The following EPN2 variants were observed in gnomAD, a reference collection of about 807,000 sequenced individuals.
The protein encoded by EPN2 is epsin-2.
Under a neutral mutation model 61.7 loss-of-function variants are expected in EPN2, and 34 were observed. The observed-to-expected ratio is 0.55, with a 90% confidence interval of 0.42 to 0.73. The LOEUF (loss-of-function observed/expected upper bound fraction) is 0.73. Ranked by LOEUF, EPN2 falls within the 30% of genes least tolerant of loss-of-function variation. The pLI is 0.00. For missense variants in EPN2, 714 were observed against 839.2 expected (o/e 0.85, Z 1.84); for synonymous variants, 349 against 353.6 (o/e 0.99, Z 0.15).
chr17:19,251,106 C>T (rs1242937344), intron 1 of EPN2, among the ~76,000 whole-genome samples: 1 of 152,164 alleles, frequency 6.6e-6, no homozygotes, highest in Non-Finnish European at 1.5e-5. Context: ...TTGTGAAAAG[C>T]AAGTCTTTAT....
rs59850885 is a variant in EPN2, at chr17:19,283,937, C to T, written c.595+223C>T. Reference sequence around the variant, plus strand: ...GCTGCTCTGGTTCAGGGATCTCTAACGCCCTTTGCTGCTCTGGGCCTCATT... The same window carrying T: ...GCTGCTCTGGTTCAGGGATCTCTAATGCCCTTTGCTGCTCTGGGCCTCATT... On this transcript the variant is annotated intron_variant, in intron 3 of 10. Coordinates refer to ENST00000314728, the MANE Select transcript of EPN2 (RefSeq NM_014964.5). The surrounding 1 kb of genome is among the most constrained non-coding windows in gnomAD (Gnocchi z 7.0). Among the ~76,000 whole-genome samples, 994 of 152,288 alleles carry T rather than the reference C, an allele frequency of 6.5e-3. 53 individuals carry two copies. In the East Asian group the frequency reaches 0.12, roughly 18 times the overall value.
chr17:19,328,697 C>G lies in EPN2; in HGVS notation c.1148-14C>G. The G allele has an allele frequency of 6.3e-7, 1 of 1,594,174 alleles. No homozygotes were observed. The highest frequency in any genetic ancestry group is 1.1e-5 in the South Asian group (1 of 88,294). On this transcript the variant is annotated splice_polypyrimidine_tract_variant and intron_variant, in intron 7 of 10. Coordinates refer to ENST00000314728, the MANE Select transcript of EPN2 (RefSeq NM_014964.5). The stretch of plus-strand genomic sequence containing the variant: ...CTGAAGGCATTTCTGAGCCCTGACC[C>G]TGCCTTCCAACAGGTACCAAGCCAG...
rs983424505 is a variant in EPN2 at position 19,336,562 on chromosome 17, C to A, written c.*2308C>A. 1 of 152,776 alleles carries A rather than the reference C, an allele frequency of 6.5e-6. No individual in the cohort carries two copies. Among genetic ancestry groups the A allele is most frequent in the East Asian group, 1.9e-4 (1 of 5,188 alleles). The allele number at this position is 152,776 out of a possible 1,614,324, so 9.5% of individuals were successfully genotyped here. A position where few individuals can be genotyped will look rare whatever the true frequency, so the allele number is the denominator to read the frequency against. Reference sequence around the variant, plus strand: ...CCACCGGCCACTGCCACGCATGTTGCACCTGTGCCATCGTGCTCCCTCCTG... The same window carrying A: ...CCACCGGCCACTGCCACGCATGTTGAACCTGTGCCATCGTGCTCCCTCCTG... On this transcript the variant is annotated 3_prime_UTR_variant, in exon 11 of 11. Transcript: ENST00000314728.
At chr17:19,257,215 T>C (rs1221250437) in intron 1 of EPN2, among the ~76,000 whole-genome samples, 2 of 152,170 alleles carry the variant, frequency 1.3e-5, no homozygotes, top group Non-Finnish European at 2.9e-5. Context: ...AAAATCTTGC[T>C]TTTTCCCCCT....
At chr17:19,276,776 T>TG (rs2045310669) in intron 1 of EPN2, among the ~76,000 whole-genome samples, 1 of 138,876 alleles carries the variant, frequency 7.2e-6, no homozygotes, top group African/African-American at 2.6e-5. Context: ...AGAATAAGTT[T>TG]TTTTTTTTTT....
At chr17:19,328,384 G>A (rs1781589785) in intron 7 of EPN2, among the ~76,000 whole-genome samples, 1 of 152,146 alleles carries the variant, frequency 6.6e-6, no homozygotes, top group African/African-American at 2.4e-5. Flanking sequence ...TCGAAGTGGG[G>A]TTGAGCTCAG....
At chr17:19,320,147 C>A (rs1906575012) in intron 7 of EPN2, among the ~76,000 whole-genome samples, 1 of 152,222 alleles carries the variant, frequency 6.6e-6, no homozygotes, top group Non-Finnish European at 1.5e-5. Context: ...GCCTGGCAAA[C>A]TCTTATGTAT....
chr17:19,249,242 C>A (rs2044986441), intron 1 of EPN2: 1 of 152,282 alleles, frequency 6.6e-6, no homozygotes, highest in South Asian at 2.1e-4. Flanking sequence ...TGTTCCTCTG[C>A]TGTTGAAGAA....
intron 1 of EPN2, among the ~76,000 whole-genome samples, chr17:19,250,572 C>G (rs2045004074): frequency 6.6e-6 from 1 of 152,166 alleles, no homozygotes; most frequent in Non-Finnish European, 1.5e-5. Context: ...GCTTCATTGA[C>G]AAATCAGAAC....
At chr17:19,295,468 G>A (rs2045510717) in intron 4 of EPN2, among the ~76,000 whole-genome samples, 1 of 152,026 alleles carries the variant, frequency 6.6e-6, no homozygotes, top group Admixed American at 6.6e-5. Context: ...GGAAGTGGAG[G>A]TTGCAGTGAG....
chr17:19,300,991 G>C (rs1156703262), intron 4 of EPN2, among the ~76,000 whole-genome samples: 2 of 152,176 alleles, frequency 1.3e-5, no homozygotes, highest in African/African-American at 4.8e-5. Context: ...TGATACTTAG[G>C]GATGAGGATG....
At chr17:19,249,926 C>T (rs1789270829) in intron 1 of EPN2, among the ~76,000 whole-genome samples, 1 of 151,846 alleles carries the variant, frequency 6.6e-6, no homozygotes, top group Non-Finnish European at 1.5e-5. Context: ...TTGGCTCGTG[C>T]TCCTTCCATC....
intron 10 of EPN2, 95 bp downstream of exon 10, chr17:19,332,163 G>A (rs976362805): frequency 2.0e-5 from 18 of 917,660 alleles, no homozygotes; most frequent in Non-Finnish European, 2.5e-5. Context: ...GTGTGACGGG[G>A]AAGGGGTGGG....
chr17:19,246,462 C>T (rs1179270784), intron 1 of EPN2, among the ~76,000 whole-genome samples: 2 of 152,114 alleles, frequency 1.3e-5, no homozygotes, highest in East Asian at 1.9e-4. Context: ...CTTAAAATGT[C>T]CTGGGGAGGC....
At chr17:19,250,895 TGC>T (rs2045008439) in intron 1 of EPN2, among the ~76,000 whole-genome samples, 1 of 151,062 alleles carries the variant, frequency 6.6e-6, no homozygotes, top group Admixed American at 6.6e-5. Context: ...AAGCCTCTTC[TGC>T]CTCTGCCTGG....
chr17:19,322,326 C>T (rs550990387), intron 7 of EPN2, among the ~76,000 whole-genome samples: 94 of 152,096 alleles, frequency 6.2e-4, no homozygotes, highest in Non-Finnish European at 1.1e-3. Flanking sequence ...TTGGCCTGGC[C>T]AGGCCCCCAT....
intron 7 of EPN2, among the ~76,000 whole-genome samples, chr17:19,317,462 C>T (rs954296084): frequency 6.6e-6 from 1 of 152,192 alleles, no homozygotes; most frequent in Non-Finnish European, 1.5e-5. Context: ...GTGCTACTGG[C>T]TTCTTGGTGA....
chr17:19,263,870 G>A (rs2045168980), intron 1 of EPN2, among the ~76,000 whole-genome samples: 1 of 150,546 alleles, frequency 6.6e-6, no homozygotes, highest in Non-Finnish European at 1.5e-5. Flanking sequence ...TCTTGGCCTG[G>A]TCCTCCCTGT....
At chr17:19,238,335 G>A (rs903955017) in intron 1 of EPN2, among the ~76,000 whole-genome samples, 2 of 152,212 alleles carry the variant, frequency 1.3e-5, no homozygotes, top group African/African-American at 4.8e-5. Flanking sequence ...AGCCGAGCGC[G>A]TTGGGAGGCT....
Sources: gnomAD v4.1 joint callset for allele counts (sites outside exome capture counted in the v4.1 genomes callset) on GRCh38, gnomAD v4.1.1 for gene constraint, Gnocchi (gnomAD v3.1) non-coding constraint, MANE v1.5 for transcripts, NCBI Gene and HGNC (gene_info 2026-07-23, HGNC 2026-07-21) for gene names.